The following NUDCD3 variants were observed in gnomAD, a reference collection of about 807,000 sequenced individuals.
NUDCD3 encodes the protein NudC domain containing 3.
Under a neutral mutation model 39.7 loss-of-function variants are expected in NUDCD3, and 13 were observed. That is an observed-to-expected ratio of 0.33 (90% CI 0.21 to 0.52). The LOEUF (loss-of-function observed/expected upper bound fraction) is 0.52, where lower values mean the gene tolerates loss of function less well. Among genes scored for constraint, NUDCD3 ranks in the 20% least tolerant of loss-of-function variants. The pLI is 0.96. For missense variants in NUDCD3, 453 were observed against 458.1 expected (o/e 0.99, Z 0.10); for synonymous variants, 175 against 172.4 (o/e 1.02, Z -0.12).
intron 1 of NUDCD3, among the ~76,000 whole-genome samples, chr7:44,488,033 T>G (rs1800649145): frequency 6.6e-6 from 1 of 151,774 alleles, no homozygotes; most frequent in Non-Finnish European, 1.5e-5. Context: ...TATCCAGGAA[T>G]ATGTGCTTTT....
At chr7:44,458,765 C>T (rs4724303) in intron 2 of NUDCD3, among the ~76,000 whole-genome samples, 1 of 152,246 alleles carries the variant, frequency 6.6e-6, no homozygotes, top group East Asian at 1.9e-4. Context: ...TTTTAAGATA[C>T]GTGAACTATA....
chr7:44,458,366 A>C (rs1254345070), intron 2 of NUDCD3, among the ~76,000 whole-genome samples: 1 of 152,224 alleles, frequency 6.6e-6, no homozygotes, highest in East Asian at 1.9e-4. Flanking sequence ...TCAGGTAATA[A>C]AAATGTTCTG....
chr7:44,395,784 T>G (rs1290332539), intron 4 of NUDCD3, among the ~76,000 whole-genome samples: 1 of 152,228 alleles, frequency 6.6e-6, no homozygotes, highest in African/African-American at 2.4e-5. Context: ...TGAATAATAT[T>G]CCACTGTATG....
At chr7:44,393,081 C>A (rs999952239) in intron 4 of NUDCD3, among the ~76,000 whole-genome samples, 36 of 152,170 alleles carry the variant, frequency 2.4e-4, no homozygotes, top group African/African-American at 7.2e-4. Context: ...CATGACAGGG[C>A]ACCATGCCCT....
intron 2 of NUDCD3, among the ~76,000 whole-genome samples, chr7:44,467,021 G>A (rs1307759958): frequency 6.6e-6 from 1 of 152,000 alleles, no homozygotes; most frequent in African/African-American, 2.4e-5. Flanking sequence ...AGTGAAGATT[G>A]AGGGGCACTG....
At chr7:44,450,961 C>A (rs944610141) in intron 2 of NUDCD3, among the ~76,000 whole-genome samples, 1 of 152,124 alleles carries the variant, frequency 6.6e-6, no homozygotes, top group Non-Finnish European at 1.5e-5. Flanking sequence ...ATACATAACA[C>A]GGTTGAACCT....
At chr7:44,484,320 A>G (rs1379497680) in intron 2 of NUDCD3, 1 of 152,312 alleles carries the variant, frequency 6.6e-6, no homozygotes, top group Non-Finnish European at 1.5e-5. Context: ...AAAAGTGAGT[A>G]CAAGTACATA....
intron 3 of NUDCD3, among the ~76,000 whole-genome samples, chr7:44,418,233 T>C (rs1261396545): frequency 6.6e-6 from 1 of 152,130 alleles, no homozygotes; most frequent in Non-Finnish European, 1.5e-5. Context: ...GGACTAAGCC[T>C]AGTCACCTTA....
intron 4 of NUDCD3, chr7:44,402,983 T>C (rs906535185): frequency 4.7e-6 from 1 of 213,956 alleles, no homozygotes; most frequent in Non-Finnish European, 9.7e-6. Flanking sequence ...AAGGAACTGG[T>C]AGTAGTCACA....
intron 5 of NUDCD3, among the ~76,000 whole-genome samples, chr7:44,391,025 G>A (rs1400596133): frequency 6.6e-6 from 1 of 152,232 alleles, no homozygotes; most frequent in Non-Finnish European, 1.5e-5. Flanking sequence ...AGAGACAAGG[G>A]CCAGGGTGGA....
intron 2 of NUDCD3, among the ~76,000 whole-genome samples, chr7:44,447,923 C>A (rs1799716961): frequency 6.6e-6 from 1 of 152,192 alleles, no homozygotes; most frequent in Non-Finnish European, 1.5e-5. Context: ...ATTGTCATCT[C>A]TGGGAAATGG....
chr7:44,471,402 G>T (rs1800254786), intron 2 of NUDCD3, among the ~76,000 whole-genome samples: 1 of 152,046 alleles, frequency 6.6e-6, no homozygotes, highest in Non-Finnish European at 1.5e-5. Context: ...AGGTTGGTTG[G>T]ATCTGCAGAT....
intron 5 of NUDCD3, among the ~76,000 whole-genome samples, chr7:44,387,685 T>C (rs1414318555): frequency 1.3e-5 from 2 of 152,192 alleles, no homozygotes; most frequent in East Asian, 1.9e-4. Context: ...GGTTGCTGCA[T>C]GGGGGCCCGA....
At chr7:44,424,529 ATG>A (rs1799198400) in intron 3 of NUDCD3, among the ~76,000 whole-genome samples, 1 of 152,240 alleles carries the variant, frequency 6.6e-6, no homozygotes, top group Admixed American at 6.5e-5. Context: ...GCCAACAAAC[ATG>A]GAAAAAAGCT....
rs544153276 is a variant in NUDCD3, at chr7:44,466,510, A to C, written c.509+18458T>G. Reference sequence around the variant, plus strand: ...GAAGGAGGCTGCTAGTCACCACACCAATCTGTGAAGTGCTCATCCTGCCAG... The same window carrying C: ...GAAGGAGGCTGCTAGTCACCACACCCATCTGTGAAGTGCTCATCCTGCCAG... On this transcript the variant is annotated intron_variant, in intron 2 of 5. Coordinates refer to ENST00000355451, the MANE Select transcript of NUDCD3 (RefSeq NM_015332.4). Among the ~76,000 whole-genome samples, 4 of 152,116 alleles carry C rather than the reference A, an allele frequency of 2.6e-5. No homozygotes were observed. In the South Asian group the frequency reaches 8.3e-4, roughly 32 times the overall value.
intron 3 of NUDCD3, among the ~76,000 whole-genome samples, chr7:44,409,729 C>G (rs1003648989): frequency 6.6e-6 from 1 of 152,014 alleles, no homozygotes; most frequent in African/African-American, 2.4e-5. Flanking sequence ...GCTAAGAAAA[C>G]TATGCAAAAA....
At position 44,390,686 on chromosome 7, in the gene NUDCD3, G is replaced by A. The variant is rs568151057; in HGVS notation, c.975+1611C>T. 1.2e-4 allele frequency among the ~76,000 whole-genome samples: 19 copies of A among 152,310 alleles called. No individual in the cohort carries two copies. In the South Asian group the frequency reaches 3.7e-3, roughly 30 times the overall value. ...ATGAATACATCTCAGTCCTTTTGTG[G>A]ACCCAATGCTGAATATGGGCACAGA... is the stretch of plus-strand genomic sequence containing the variant. On this transcript the variant is annotated intron_variant, in intron 5 of 5. Transcript: ENST00000355451.
intron 4 of NUDCD3, among the ~76,000 whole-genome samples, chr7:44,394,912 A>G (rs1798595391): frequency 6.6e-6 from 1 of 152,222 alleles, no homozygotes; most frequent in South Asian, 2.1e-4. Flanking sequence ...TCCTGGGCAC[A>G]GTGGGAGATG....
At position 44,485,057 on chromosome 7, in the gene NUDCD3, C is replaced by T. The variant is rs201524734; in HGVS notation, c.420G>A (p.Lys140=). The T allele has an allele frequency of 6.8e-6, 11 of 1,614,176 alleles. No homozygotes were observed. Among genetic ancestry groups the T allele is most frequent in the South Asian group, 1.1e-5 (1 of 91,084 alleles). ...VEKVQPPGPV[K]EMAHGSQEAE... is the part of the protein sequence containing the mutation. ...CCTCCTGTGAACCATGGGCCATTTC[C>T]TTCACAGGGCCTGGAGGCTGCACTT... The change falls in exon 2 of 6, where the codon AAG becomes AAA. Residue 140 remains lysine, a synonymous_variant. Transcript: ENST00000355451.
Sources: allele counts gnomAD v4.1 joint callset (sites outside exome capture counted in the v4.1 genomes callset), GRCh38; gene constraint gnomAD v4.1.1; transcripts MANE v1.5; gene names NCBI Gene and HGNC (gene_info 2026-07-23, HGNC 2026-07-21).